The following PCDHGA3 variants were observed in gnomAD, a reference collection of about 807,000 sequenced individuals.
PCDHGA3 encodes the protein protocadherin gamma subfamily A, 3.
PCDHGA3 carries 40 observed loss-of-function variants against 58.5 expected under a neutral mutation model. The ratio of observed to expected loss-of-function variants is 0.68; its 90% CI spans 0.53 to 0.89. The LOEUF is 0.89. PCDHGA3 is among the 40% of genes least tolerant of loss of function. The pLI, the probability that PCDHGA3 is intolerant of heterozygous loss-of-function variation, is 0.00. For synonymous variants in PCDHGA3, 530 were observed against 525.7 expected (o/e 1.01, Z -0.11); for missense variants, 1,223 against 1,195.9 (o/e 1.02, Z -0.33).
rs781267293 is a variant in PCDHGA3 at position 141,489,926 on chromosome 5, C to T, written c.2425-4881C>T. 1.2e-6 allele frequency: 2 copies of T among 1,614,222 alleles called. No individual in the cohort carries two copies. The highest frequency in any genetic ancestry group is 2.2e-5 in the East Asian group (1 of 44,878). On this transcript the variant is annotated intron_variant, in intron 1 of 3. Coordinates refer to ENST00000253812, the MANE Select transcript of PCDHGA3 (RefSeq NM_018916.4). The surrounding 1 kb of genome is among the most constrained non-coding windows in gnomAD (Gnocchi z 4.5). Reference sequence around the variant, plus strand: ...GCCCGCTCAGGGACCACCCTTATCTCTGTCATCGTGCTGGACATCAATGAT... The same window carrying T: ...GCCCGCTCAGGGACCACCCTTATCTTTGTCATCGTGCTGGACATCAATGAT...
At chr5:141,375,442 C>A (rs746357528) in intron 1 of PCDHGA3, 1 of 1,614,034 alleles carries the variant, frequency 6.2e-7, no homozygotes, top group Non-Finnish European at 8.5e-7. Flanking sequence ...CCACCTTCCC[C>A]CATTCATCCT....
chr5:141,405,229 C>T, intron 1 of PCDHGA3: 1 of 1,614,144 alleles, frequency 6.2e-7, no homozygotes, highest in Non-Finnish European at 8.5e-7. Context: ...AGTTCTCCCT[C>T]ACCGCTGACT....
intron 1 of PCDHGA3, among the ~76,000 whole-genome samples, chr5:141,425,629 C>G (rs1297803997): frequency 1.3e-5 from 2 of 152,162 alleles, no homozygotes; most frequent in Admixed American, 1.3e-4. Flanking sequence ...CTCCAGTTTT[C>G]TCTGATAAAA....
rs888836155 is a variant in PCDHGA3, at chr5:141,512,011, A to C, written c.*838A>C. The C allele has an allele frequency of 1.3e-5, 2 of 152,946 alleles. No homozygotes were observed. The highest frequency in any genetic ancestry group is 6.5e-5 in the Admixed American group (1 of 15,300). The allele number at this position is 152,946 out of a possible 1,614,324, so 9.5% of individuals were successfully genotyped here. ...GGCATGGACAAAGCTTGACACATCA[A>C]GTTATCAAGGCCTTGGAGGAGGCTC... On this transcript the variant is annotated 3_prime_UTR_variant, in exon 4 of 4. Coordinates refer to ENST00000253812, the MANE Select transcript of PCDHGA3 (RefSeq NM_018916.4).
Position 141,432,390 on chromosome 5 carries a change from G to A in PCDHGA3, c.2425-62417G>A. The A allele has an allele frequency of 6.2e-7, 1 of 1,614,256 alleles. No homozygotes were observed. The highest frequency in any genetic ancestry group is 8.5e-7 in the Non-Finnish European group (1 of 1,180,046). On this transcript the variant is annotated intron_variant, in intron 1 of 3. Transcript: ENST00000253812. This position sits in a 1 kb window ranked among gnomAD's most constrained non-coding sequence, Gnocchi z 6.0. ...GACAACGGGCACCCGCCCCTCAGCA[G>A]CAACGTGTCGTTGAGCCTGTTCGTG... is the stretch of plus-strand genomic sequence containing the variant.
At chr5:141,382,129 C>T (rs1174612163) in intron 1 of PCDHGA3, among the ~76,000 whole-genome samples, 2 of 152,012 alleles carry the variant, frequency 1.3e-5, no homozygotes, top group African/African-American at 2.4e-5. Flanking sequence ...CACCTGGCCC[C>T]CCCTCTCATT....
intron 1 of PCDHGA3, among the ~76,000 whole-genome samples, chr5:141,444,977 T>A (rs2098452876): frequency 1.3e-5 from 2 of 152,200 alleles, no homozygotes; most frequent in South Asian, 4.1e-4. Flanking sequence ...TTCAAATCCA[T>A]GAACATGGTA....
At chr5:141,390,307 A>G (rs2092112369) in intron 1 of PCDHGA3, 1 of 1,613,424 alleles carries the variant, frequency 6.2e-7, no homozygotes, top group Admixed American at 1.7e-5. Flanking sequence ...GTATAATTTA[A>G]TGCTCATTGC....
chr5:141,488,980 C>A, intron 1 of PCDHGA3: 1 of 392,340 alleles, frequency 2.5e-6, no homozygotes, highest in Non-Finnish European at 4.5e-6. Flanking sequence ...CAATCAGACT[C>A]AGAGCTGAGG....
chr5:141,346,533 A>G, intron 1 of PCDHGA3, 76 bp downstream of exon 1: 1 of 1,567,200 alleles, frequency 6.4e-7, no homozygotes, highest in Non-Finnish European at 8.7e-7. Flanking sequence ...ACACATATGT[A>G]TTTGAGAAAT....
intron 1 of PCDHGA3, chr5:141,382,931 G>A (rs1415161617): frequency 6.3e-7 from 1 of 1,584,178 alleles, no homozygotes; most frequent in Non-Finnish European, 8.6e-7. Context: ...GGGGACTACA[G>A]AGGATTCTTC....
chr5:141,361,411 G>C, intron 1 of PCDHGA3: 2 of 1,613,998 alleles, frequency 1.2e-6, no homozygotes, highest in South Asian at 2.2e-5. Flanking sequence ...CACAGCCACC[G>C]ACGGGGGCAA....
chr5:141,494,935 G>A, intron 2 of PCDHGA3, 70 bp downstream of exon 2: 1 of 1,612,482 alleles, frequency 6.2e-7, no homozygotes, highest in Non-Finnish European at 8.5e-7. Flanking sequence ...GGGAGGAGAT[G>A]GGGGAGGGCC....
chr5:141,403,136 C>T, intron 1 of PCDHGA3: 1 of 1,614,006 alleles, frequency 6.2e-7, no homozygotes, highest in South Asian at 1.1e-5. Flanking sequence ...GCTGGCGGAG[C>T]GCCGAGTCCG....
Position 141,375,419 on chromosome 5 carries a change from A to G in PCDHGA3, c.2424+28962A>G, listed in dbSNP as rs756318329. The G allele has an allele frequency of 1.9e-6, 3 of 1,613,982 alleles. No homozygotes were observed. The South Asian group carries it at 3.3e-5, about 18-fold the overall frequency. The stretch of plus-strand genomic sequence containing the variant: ...CATCTCTCTAAATGTGGCAGACACC[A>G]ACGACAACCCGCCCACCTTCCCCCA... On this transcript the variant is annotated intron_variant, in intron 1 of 3. Coordinates refer to ENST00000253812, the MANE Select transcript of PCDHGA3 (RefSeq NM_018916.4).
In PCDHGA3 at chr5:141,485,636, G is replaced by A. The variant is rs371040974; in HGVS notation, c.2425-9171G>A. The A allele has an allele frequency of 6.2e-7, 1 of 1,611,922 alleles. No homozygotes were observed. The highest frequency in any genetic ancestry group is 1.1e-5 in the South Asian group (1 of 90,964). On this transcript the variant is annotated intron_variant, in intron 1 of 3. Transcript: ENST00000253812. This position sits in a 1 kb window ranked among gnomAD's most constrained non-coding sequence, Gnocchi z 5.7. ...TCCTCCAGGACAGCGTTTCCCGTTG[G>A]AAAAGGCTCAGGATGCAGATGTGGG...
chr5:141,375,309 C>T, intron 1 of PCDHGA3: 3 of 1,613,840 alleles, frequency 1.9e-6, no homozygotes, highest in Non-Finnish European at 2.5e-6. Context: ...ACAAATGCAG[C>T]TCTAGACCGG....
intron 1 of PCDHGA3, among the ~76,000 whole-genome samples, chr5:141,470,011 C>T (rs2099218489): frequency 6.6e-6 from 1 of 152,144 alleles, no homozygotes; most frequent in Non-Finnish European, 1.5e-5. Context: ...CGCCTGTAAT[C>T]CCAGCTACTC....
intron 1 of PCDHGA3, chr5:141,404,040 G>C (rs1373988780): frequency 6.2e-7 from 1 of 1,613,692 alleles, no homozygotes; most frequent in Non-Finnish European, 8.5e-7. Flanking sequence ...GCACCTCAGG[G>C]AACAGTAATT....
Sources: gnomAD v4.1 joint callset for allele counts (sites outside exome capture counted in the v4.1 genomes callset) on GRCh38, gnomAD v4.1.1 for gene constraint, Gnocchi (gnomAD v3.1) non-coding constraint, MANE v1.5 for transcripts, NCBI Gene and HGNC (gene_info 2026-07-23, HGNC 2026-07-21) for gene names.